The following TWIST2 variants were observed in gnomAD, a reference collection of about 807,000 sequenced individuals.
TWIST2 encodes the protein twist-related protein 2.
A neutral mutation model predicts 11.6 loss-of-function variants in TWIST2; 1 was observed. That is an observed-to-expected ratio of 0.09 (90% confidence interval 0.03 to 0.41). The LOEUF (loss-of-function observed/expected upper bound fraction) is 0.41. Among genes scored for constraint, TWIST2 ranks in the 10% least tolerant of loss-of-function variants. The pLI, the probability that TWIST2 is intolerant of heterozygous loss-of-function variation, is 0.98. For missense variants in TWIST2, 168 were observed against 226.4 expected, an observed-to-expected ratio of 0.74 and a Z score of 1.66; for synonymous variants, 87 against 96.6, an observed-to-expected ratio of 0.90 and a Z score of 0.58.
At chr2:238,898,133 G>A (rs1212642402) in intron 1 of TWIST2, among the ~76,000 whole-genome samples, 1 of 152,212 alleles carries the variant, frequency 6.6e-6, no homozygotes, top group Admixed American at 6.5e-5. Flanking sequence ...CGGTCTCAGG[G>A]CCCGGGTGCT....
Position 238,864,179 on chromosome 2 carries a change from G to A in TWIST2, c.*35+15446G>A, listed in dbSNP as rs537415901. Among the ~76,000 whole-genome samples, 1 of 152,122 alleles carries A rather than the reference G, an allele frequency of 6.6e-6. No homozygotes were observed. Among genetic ancestry groups the A allele is most frequent in the Admixed American group, 6.5e-5 (1 of 15,276 alleles). ...AATATTTGTAAGTTTCCATCAGCAT[G>A]GGGGGAAGGGGCTGGAGGTGAGGGG... On this transcript the variant is annotated intron_variant, in intron 1 of 1. Coordinates refer to ENST00000612363, the MANE Select transcript of TWIST2 (RefSeq NM_001271893.4). The surrounding 1 kb of genome is among the most constrained non-coding windows in gnomAD (Gnocchi z 4.7).
chr2:238,894,987 T>C (rs926364512), intron 1 of TWIST2, among the ~76,000 whole-genome samples: 5,835 of 152,342 alleles, frequency 0.038, 182 homozygotes, highest in South Asian at 0.11. Flanking sequence ...TAGTGATTTG[T>C]TCTGCTGCTT....
At chr2:238,886,748 A>G (rs1475631703) in intron 1 of TWIST2, 2 of 152,056 alleles carry the variant, frequency 1.3e-5, no homozygotes, top group Non-Finnish European at 2.9e-5. Flanking sequence ...CTCACCACAG[A>G]TTTCCAGTAA....
intron 1 of TWIST2, among the ~76,000 whole-genome samples, chr2:238,903,010 GT>G: frequency 1.5e-4 from 1 of 6,742 alleles, no homozygotes; most frequent in Non-Finnish European, 2.9e-4. Context: ...GTGATGTGAG[GT>G]GTGTGTGATG....
chr2:238,884,171 G>A (rs1016208153), intron 1 of TWIST2, among the ~76,000 whole-genome samples: 1 of 152,248 alleles, frequency 6.6e-6, no homozygotes, highest in African/African-American at 2.4e-5. Flanking sequence ...TTACAAGCCA[G>A]TTCTTTAAGA....
intron 1 of TWIST2, among the ~76,000 whole-genome samples, chr2:238,886,044 C>T (rs1316219492): frequency 6.7e-6 from 1 of 150,006 alleles, no homozygotes; most frequent in Non-Finnish European, 1.5e-5. Flanking sequence ...TGCAGTGAGC[C>T]GAGATTGCGC....
chr2:238,899,970 G>A (rs1454964828), intron 1 of TWIST2, among the ~76,000 whole-genome samples: 1 of 152,108 alleles, frequency 6.6e-6, no homozygotes, highest in Non-Finnish European at 1.5e-5. Context: ...TACAAAGAAA[G>A]AAAGAAAGAA....
At position 238,864,152 on chromosome 2, in the gene TWIST2, G is replaced by A. The variant is rs1000684834; in HGVS notation, c.*35+15419G>A. On this transcript the variant is annotated intron_variant, in intron 1 of 1. Transcript: ENST00000612363. The surrounding 1 kb of genome is among the most constrained non-coding windows in gnomAD (Gnocchi z 4.7). ...CCAAATCCTTTTCGGAGAGATGACT[G>A]AAATATTTGTAAGTTTCCATCAGCA... Among the ~76,000 whole-genome samples the A allele has an allele frequency of 6.6e-6, 1 of 151,936 alleles. No homozygotes were observed. Among genetic ancestry groups the A allele is most frequent in the Non-Finnish European group, 1.5e-5 (1 of 67,986 alleles).
In TWIST2 at chr2:238,905,891, ATGCGCGTGTG is replaced by A. The variant is rs1193601177; in HGVS notation, c.*36-3946_*36-3937del. 2.0e-5 allele frequency among the ~76,000 whole-genome samples: 3 copies of A among 149,754 alleles called. No homozygotes were observed. In the East Asian group the frequency reaches 6.0e-4, roughly 30 times the overall value. On this transcript the variant is annotated intron_variant, in intron 1 of 1. Coordinates refer to ENST00000612363, the MANE Select transcript of TWIST2 (RefSeq NM_001271893.4). ...CGTGCGTGTGTGTGCATGTGCGCGC[ATGCGCGTGTG>A]TGCGTGTGTGTGCGTGCAGGTGTGC...
chr2:238,848,538 A>C lies in TWIST2; in HGVS notation c.323A>C (p.Lys108Thr). ...SDKLSKIQTL[K>T]LAARYIDFLY... is the part of the protein sequence containing the mutation. The stretch of plus-strand genomic sequence containing the variant: ...AAGCTGAGCAAGATCCAGACGCTCA[A>C]GCTGGCCGCCAGGTACATAGACTTC... The change falls in exon 1 of 2, where the codon AAG (lysine) becomes ACG (threonine). Residue 108 changes from lysine (K) to threonine (T), a missense_variant. This residue lies in a region of TWIST2 where 62 missense variants were observed against 75.3 expected (regional missense o/e 0.82). Transcript: ENST00000612363. 1.9e-6 allele frequency: 3 copies of C among 1,593,236 alleles called. No homozygotes were observed. Among genetic ancestry groups the C allele is most frequent in the Non-Finnish European group, 1.7e-6 (2 of 1,171,446 alleles).
At chr2:238,905,588 C>T (rs1052507906) in intron 1 of TWIST2, among the ~76,000 whole-genome samples, 10 of 152,142 alleles carry the variant, frequency 6.6e-5, no homozygotes, top group Non-Finnish European at 1.2e-4. Context: ...CAGGGAACGG[C>T]CCCTGTCATT....
intron 1 of TWIST2, among the ~76,000 whole-genome samples, chr2:238,908,909 G>C (rs1174898316): frequency 2.0e-5 from 3 of 150,434 alleles, no homozygotes; most frequent in African/African-American, 7.4e-5. Flanking sequence ...TAGTGTGTTT[G>C]TGTATGTGGC....
intron 1 of TWIST2, among the ~76,000 whole-genome samples, chr2:238,855,692 A>T (rs1020891217): frequency 6.6e-6 from 1 of 152,236 alleles, no homozygotes; most frequent in Non-Finnish European, 1.5e-5. Flanking sequence ...TTGAGGTTTC[A>T]CTTTATAAAA....
At chr2:238,881,322 G>C (rs1692923723) in intron 1 of TWIST2, among the ~76,000 whole-genome samples, 1 of 143,634 alleles carries the variant, frequency 7.0e-6, no homozygotes. Context: ...TGTTAGTGTT[G>C]GTGTTAATAT....
chr2:238,886,663 C>G (rs558056837), intron 1 of TWIST2: 1 of 151,708 alleles, frequency 6.6e-6, no homozygotes, highest in Admixed American at 6.6e-5. Context: ...TTGAGTGGAG[C>G]GAAGGGTGGA....
At chr2:238,875,338 A>G (rs1002598252) in intron 1 of TWIST2, among the ~76,000 whole-genome samples, 2 of 151,868 alleles carry the variant, frequency 1.3e-5, no homozygotes, top group Non-Finnish European at 2.9e-5. Flanking sequence ...TCCAAGAAGA[A>G]GACGGCCTCT....
chr2:238,901,466 C>T (rs1298579652), intron 1 of TWIST2, among the ~76,000 whole-genome samples: 1 of 152,194 alleles, frequency 6.6e-6, no homozygotes, highest in Non-Finnish European at 1.5e-5. Flanking sequence ...GGCTCCTCCT[C>T]AGTAGGTGAA....
chr2:238,854,274 G>A (rs1692292266), intron 1 of TWIST2, among the ~76,000 whole-genome samples: 1 of 152,184 alleles, frequency 6.6e-6, no homozygotes, highest in Non-Finnish European at 1.5e-5. Context: ...CTTCTGGGAG[G>A]AAATGGTAAA....
chr2:238,884,542 C>T (rs541920338), intron 1 of TWIST2, among the ~76,000 whole-genome samples: 12 of 152,202 alleles, frequency 7.9e-5, no homozygotes, highest in East Asian at 3.9e-4. Flanking sequence ...TTCACGGGCA[C>T]GTTCAAGGGT....
Sources: gnomAD v4.1 joint callset for allele counts (sites outside exome capture counted in the v4.1 genomes callset) on GRCh38, gnomAD v4.1.1 for gene constraint, gnomAD v4.1.1 regional missense constraint, Gnocchi (gnomAD v3.1) non-coding constraint, MANE v1.5 for transcripts, NCBI Gene and HGNC (gene_info 2026-07-23, HGNC 2026-07-21) for gene names.